Variants in SH3RF3 observed in about 807,000 individuals in gnomAD.
The protein encoded by SH3RF3 is SH3 domain containing ring finger 3.
A neutral mutation model predicts 66.3 loss-of-function variants in SH3RF3; 29 were observed. The ratio of observed to expected loss-of-function variants is 0.44; its 90% confidence interval spans 0.33 to 0.60. The LOEUF is 0.60. Ranked by LOEUF, SH3RF3 falls within the 20% of genes least tolerant of loss-of-function variation. The pLI is 0.04. For synonymous variants in SH3RF3, 583 were observed against 532.0 expected, an observed-to-expected ratio of 1.10 and a Z score of -1.32; for missense variants, 1,194 against 1,190.9, an observed-to-expected ratio of 1.00 and a Z score of -0.04.
At chr2:109,379,771 C>T (rs4676283) in intron 3 of SH3RF3, among the ~76,000 whole-genome samples, 41,855 of 151,918 alleles carry the variant, frequency 0.28, 6,712 homozygotes, top group Non-Finnish European at 0.37. Flanking sequence ...TAAAGCCCTC[C>T]TGCAGGTGAA....
At chr2:109,439,013 T>G (rs1209480693) in intron 7 of SH3RF3, among the ~76,000 whole-genome samples, 1 of 152,172 alleles carries the variant, frequency 6.6e-6, no homozygotes, top group East Asian at 1.9e-4. Flanking sequence ...GGCCCTGGGT[T>G]GTCTGCCCAG....
intron 2 of SH3RF3, among the ~76,000 whole-genome samples, chr2:109,356,946 C>T (rs917038792): frequency 3.3e-5 from 5 of 152,242 alleles, no homozygotes; most frequent in South Asian, 4.2e-4. Context: ...TGGACTGTTC[C>T]GTGATGGTCC....
Position 109,135,667 on chromosome 2 carries a change from TG to T in SH3RF3, c.573+5561del, listed in dbSNP as rs964399238. Among the ~76,000 whole-genome samples, 144 of 152,020 alleles carry T rather than the reference TG, an allele frequency of 9.5e-4. 1 individual carries two copies. Among genetic ancestry groups the T allele is most frequent in the African/African-American group, 3.4e-3 (140 of 41,438 alleles). The stretch of plus-strand genomic sequence containing the variant: ...GTACGTGTGTGGATGTGGATGTGCA[TG>T]GGGGGGTGTGTGTGTGTTGTGAGTC... On this transcript the variant is annotated intron_variant, in intron 1 of 9. Transcript: ENST00000309415.
At chr2:109,472,549 T>C (rs948173238) in intron 8 of SH3RF3, among the ~76,000 whole-genome samples, 4 of 152,282 alleles carry the variant, frequency 2.6e-5, no homozygotes, top group East Asian at 3.9e-4. Flanking sequence ...CCCGATCCAA[T>C]TGATGAACCG....
chr2:109,442,049 C>T lies in SH3RF3; in HGVS notation c.1828+4903C>T, dbSNP rs112466728. Among the ~76,000 whole-genome samples the T allele has an allele frequency of 1.8e-4, 27 of 152,278 alleles. 1 individual carries two copies. The highest frequency in any genetic ancestry group is 5.5e-4 in the African/African-American group (23 of 41,566). ...ACTATTGGCCAGGCACAGTGGCTCA[C>T]GCCTGTAATCCCAGCACTTTGGGAG... On this transcript the variant is annotated intron_variant, in intron 7 of 9. Transcript: ENST00000309415.
At chr2:109,404,935 T>C (rs1047600551) in intron 4 of SH3RF3, among the ~76,000 whole-genome samples, 2 of 152,116 alleles carry the variant, frequency 1.3e-5, no homozygotes, top group African/African-American at 4.8e-5. Flanking sequence ...TCTGTGCCTC[T>C]TCTTTCCAGT....
intron 2 of SH3RF3, among the ~76,000 whole-genome samples, chr2:109,348,161 C>T (rs1309080696): frequency 6.6e-6 from 1 of 152,194 alleles, no homozygotes; most frequent in African/African-American, 2.4e-5. Context: ...TGGAGGGCAC[C>T]AGCTTGACAC....
At chr2:109,146,783 C>T (rs1235350860) in intron 1 of SH3RF3, among the ~76,000 whole-genome samples, 5 of 64,314 alleles carry the variant, frequency 7.8e-5, no homozygotes, top group African/African-American at 3.0e-4. Flanking sequence ...TCTCTCCTTT[C>T]TTTAGTGCCC....
At chr2:109,339,324 A>G (rs1485991105) in intron 1 of SH3RF3, among the ~76,000 whole-genome samples, 1 of 152,158 alleles carries the variant, frequency 6.6e-6, no homozygotes, top group African/African-American at 2.4e-5. Flanking sequence ...TGAAAAATGT[A>G]TATATAGTAA....
At chr2:109,297,930 T>A (rs1163841642) in intron 1 of SH3RF3, among the ~76,000 whole-genome samples, 1 of 151,604 alleles carries the variant, frequency 6.6e-6, no homozygotes, top group East Asian at 2.0e-4. Context: ...CAGATGTGTG[T>A]TCCCCCCCCA....
chr2:109,227,296 C>T (rs1408182466), intron 1 of SH3RF3, among the ~76,000 whole-genome samples: 1 of 152,138 alleles, frequency 6.6e-6, no homozygotes. Flanking sequence ...CTGTGAATGT[C>T]AGGCACACAA....
intron 1 of SH3RF3, among the ~76,000 whole-genome samples, chr2:109,284,899 C>T (rs142705354): frequency 7.9e-5 from 12 of 152,242 alleles, no homozygotes; most frequent in Admixed American, 7.8e-4. Context: ...AAAATCCACA[C>T]TGGGCTCGTC....
At chr2:109,357,189 GT>G (rs113404349) in intron 2 of SH3RF3, among the ~76,000 whole-genome samples, 1,591 of 147,162 alleles carry the variant, frequency 0.011, 21 homozygotes, top group African/African-American at 0.037. Context: ...TTGTTTTTTG[GT>G]TTTTTTTTTG....
intron 1 of SH3RF3, among the ~76,000 whole-genome samples, chr2:109,297,315 C>T (rs1323950946): frequency 2.6e-5 from 4 of 152,116 alleles, no homozygotes; most frequent in Admixed American, 1.3e-4. Flanking sequence ...CTTCCATCTT[C>T]GATGAGACCC....
At chr2:109,443,722 C>G (rs1399154288) in intron 7 of SH3RF3, among the ~76,000 whole-genome samples, 1 of 152,046 alleles carries the variant, frequency 6.6e-6, no homozygotes, top group African/African-American at 2.4e-5. Flanking sequence ...TATTTATACA[C>G]CAAGTAACAG....
chr2:109,196,792 A>G (rs1303566297), intron 1 of SH3RF3, among the ~76,000 whole-genome samples: 3 of 152,200 alleles, frequency 2.0e-5, no homozygotes, highest in Non-Finnish European at 4.4e-5. Context: ...TCAGGCGCCA[A>G]TAGCATACGG....
intron 1 of SH3RF3, among the ~76,000 whole-genome samples, chr2:109,237,857 A>G (rs1250160941): frequency 6.6e-6 from 1 of 152,254 alleles, no homozygotes; most frequent in Non-Finnish European, 1.5e-5. Flanking sequence ...AAAATGAAGA[A>G]CAACTTGGAT....
At chr2:109,457,467 GT>G (rs1678091170) in intron 8 of SH3RF3, among the ~76,000 whole-genome samples, 1 of 152,244 alleles carries the variant, frequency 6.6e-6, no homozygotes, top group Admixed American at 6.5e-5. Flanking sequence ...ATGTGTAATA[GT>G]TGTGAGGGTT....
intron 1 of SH3RF3, among the ~76,000 whole-genome samples, chr2:109,190,177 A>ATT (rs201914781): frequency 1.8e-3 from 268 of 145,584 alleles, no homozygotes; most frequent in African/African-American, 5.7e-3. Context: ...TTGACATCCT[A>ATT]TTTTTTTTTT....
Sources: gnomAD v4.1 joint callset for allele counts (sites outside exome capture counted in the v4.1 genomes callset) on GRCh38, gnomAD v4.1.1 for gene constraint, MANE v1.5 for transcripts, NCBI Gene and HGNC (gene_info 2026-07-23, HGNC 2026-07-21) for gene names.